The following PKP4 variants were observed in gnomAD, a reference collection of about 807,000 sequenced individuals.
PKP4 encodes the protein plakophilin-4.
Under a neutral mutation model 145.1 loss-of-function variants are expected in PKP4, and 90 were observed. The observed-to-expected ratio is 0.62, with a 90% CI of 0.52 to 0.74. The LOEUF is 0.74. PKP4 is among the 30% of genes least tolerant of loss of function. The probability of loss-of-function intolerance (pLI) is 0.00; values close to 1 mark genes in which losing one functional copy is unlikely to be tolerated. For synonymous variants in PKP4, 563 were observed against 577.2 expected (o/e 0.98, Z 0.35); for missense variants, 1,340 against 1,482.7 (o/e 0.90, Z 1.58).
In PKP4 at chr2:158,673,954, T is replaced by C. The variant is rs1431319022; in HGVS notation, c.3081T>C (p.Pro1027=). 6.2e-7 allele frequency: 1 copy of C among 1,612,842 alleles called. No homozygotes were observed. The highest frequency in any genetic ancestry group is 8.5e-7 in the Non-Finnish European group (1 of 1,178,888). Reference sequence around the variant, plus strand: ...AGCGAGACCGATTCAAATCACATCCTTCCTTGTCTACCACCAACCAACAGA... The same window carrying C: ...AGCGAGACCGATTCAAATCACATCCCTCCTTGTCTACCACCAACCAACAGA... ...TLERDRFKSH[P]SLSTTNQQMS... Residue 1027 remains proline (P), a synonymous_variant, in exon 19 of 22, where the codon CCT becomes CCC. Transcript: ENST00000389759.
At chr2:158,652,441 G>A (rs183663454) in intron 11 of PKP4, among the ~76,000 whole-genome samples, 134 of 152,238 alleles carry the variant, frequency 8.8e-4, no homozygotes, top group Non-Finnish European at 1.3e-3. Context: ...AGAAAAAGCC[G>A]CAGAAGTTTA....
intron 2 of PKP4, among the ~76,000 whole-genome samples, chr2:158,548,143 A>T (rs1056769244): frequency 6.6e-6 from 1 of 152,222 alleles, no homozygotes; most frequent in East Asian, 1.9e-4. Context: ...TTTTACTGAA[A>T]TAACATAAGG....
chr2:158,540,158 T>C (rs1036208331), intron 2 of PKP4, among the ~76,000 whole-genome samples: 8 of 152,214 alleles, frequency 5.3e-5, no homozygotes, highest in Non-Finnish European at 1.2e-4. Flanking sequence ...TCCAGTCTTA[T>C]ATGTCCTCAA....
intron 1 of PKP4, among the ~76,000 whole-genome samples, chr2:158,514,184 C>A (rs2041751098): frequency 6.6e-6 from 1 of 152,182 alleles, no homozygotes. Context: ...ATTGAACAAA[C>A]ACTTTTGAAT....
At chr2:158,564,217 G>C (rs1180755357) in intron 2 of PKP4, among the ~76,000 whole-genome samples, 1 of 152,040 alleles carries the variant, frequency 6.6e-6, no homozygotes, top group Non-Finnish European at 1.5e-5. Flanking sequence ...CTCATTCACA[G>C]TTGTGTCTGT....
chr2:158,596,562 G>GTACC (rs2049762441), intron 3 of PKP4, among the ~76,000 whole-genome samples: 1 of 151,602 alleles, frequency 6.6e-6, no homozygotes, highest in South Asian at 2.1e-4. Context: ...AGAATATTGT[G>GTACC]TACCAGGCAC....
At chr2:158,580,722 G>A (rs1413981840) in intron 3 of PKP4, among the ~76,000 whole-genome samples, 1 of 152,190 alleles carries the variant, frequency 6.6e-6, no homozygotes, top group Non-Finnish European at 1.5e-5. Flanking sequence ...TCTTCATTCA[G>A]TGATCTCTGA....
intron 1 of PKP4, among the ~76,000 whole-genome samples, chr2:158,530,748 C>A (rs2043461921): frequency 6.6e-6 from 1 of 151,948 alleles, no homozygotes; most frequent in Non-Finnish European, 1.5e-5. Flanking sequence ...AAGTGTCTCA[C>A]CCTTAGTAAC....
intron 11 of PKP4, among the ~76,000 whole-genome samples, chr2:158,650,415 G>A (rs1056757967): frequency 3.3e-5 from 5 of 152,350 alleles, no homozygotes; most frequent in Middle Eastern, 6.8e-3. Flanking sequence ...ATATGATTCT[G>A]TAAATGGATC....
In PKP4 at chr2:158,642,498, G is replaced by A; in HGVS notation, c.1708G>A (p.Gly570Arg). 1 of 1,608,868 alleles carries A rather than the reference G, an allele frequency of 6.2e-7. No individual in the cohort carries two copies. The highest frequency in any genetic ancestry group is 8.5e-7 in the Non-Finnish European group (1 of 1,175,986). The change falls in exon 11 of 22, where the codon GGG (glycine) becomes AGG (arginine). Residue 570 changes from glycine (G) to arginine (R), a missense_variant. Physicochemically the swap from Gly to Arg is moderately radical, Grantham distance 125. Transcript: ENST00000389759. ...TTTTTCATTCTAGGTGTGTAGGTTA[G>A]GGGGAATCAAGCATCTGGTTGACCT... ...NKVKMEVCRL[G>R]GIKHLVDLLD...
intron 1 of PKP4, among the ~76,000 whole-genome samples, chr2:158,496,571 G>C (rs952535661): frequency 2.0e-5 from 3 of 152,148 alleles, no homozygotes; most frequent in Admixed American, 2.0e-4. Flanking sequence ...ACCTGTGCAA[G>C]TTCAGAAGTT....
chr2:158,471,803 A>G (rs1021286489), intron 1 of PKP4, among the ~76,000 whole-genome samples: 5 of 152,242 alleles, frequency 3.3e-5, no homozygotes, highest in African/African-American at 1.2e-4. Context: ...TTCCTTTTTT[A>G]GATACCTCAT....
At chr2:158,510,860 G>A (rs556425145) in intron 1 of PKP4, among the ~76,000 whole-genome samples, 42 of 152,308 alleles carry the variant, frequency 2.8e-4, no homozygotes, top group Admixed American at 1.9e-3. Context: ...AGATGCAGAG[G>A]GACCCCTTCC....
Position 158,562,137 on chromosome 2 carries a change from T to C in PKP4, c.133-15134T>C, listed in dbSNP as rs187344854. The stretch of plus-strand genomic sequence containing the variant: ...GCCAGGAGAGGAGAAAATAGAAATA[T>C]GAATTTTAAGATATGTTTTGTTGCA... On this transcript the variant is annotated intron_variant, in intron 2 of 21. Coordinates refer to ENST00000389759, the MANE Select transcript of PKP4 (RefSeq NM_003628.6). Among the ~76,000 whole-genome samples the C allele has an allele frequency of 5.9e-5, 9 of 152,290 alleles. No individual in the cohort carries two copies. The South Asian group carries it at 8.3e-4, about 14-fold the overall frequency.
rs2057404018 is a variant in PKP4 at position 158,669,765 on chromosome 2, A to G, written c.2774A>G (p.Asn925Ser). 1.9e-6 allele frequency: 3 copies of G among 1,605,588 alleles called. No homozygotes were observed. The highest frequency in any genetic ancestry group is 1.7e-5 in the Admixed American group (1 of 59,340). Reference protein sequence around the residue: ...RDLVNRLPGGNGPSVLSDETM... With the variant: ...RDLVNRLPGGSGPSVLSDETM... Reference sequence around the variant, plus strand: ...CTGGTCAACCGGCTCCCCGGCGGCAATGGCCCCAGTGTCTTGTCTGATGAG... The same window carrying G: ...CTGGTCAACCGGCTCCCCGGCGGCAGTGGCCCCAGTGTCTTGTCTGATGAG... The change falls in exon 17 of 22, where the codon AAT becomes AGT. Residue 925 changes from asparagine (N) to serine (S), a missense_variant. Physicochemically the swap from Asn to Ser is conservative, Grantham distance 46 (BLOSUM62 1). Coordinates refer to ENST00000389759, the MANE Select transcript of PKP4 (RefSeq NM_003628.6).
intron 21 of PKP4, among the ~76,000 whole-genome samples, chr2:158,679,751 G>A (rs1165158014): frequency 2.6e-5 from 4 of 152,194 alleles, no homozygotes; most frequent in Admixed American, 2.0e-4. Context: ...GATGGACTTA[G>A]CCCTGGCTTG....
At chr2:158,672,785 G>A (rs1480811534) in intron 17 of PKP4, among the ~76,000 whole-genome samples, 2 of 152,202 alleles carry the variant, frequency 1.3e-5, no homozygotes, top group East Asian at 1.9e-4. Context: ...GGCTGAGGAA[G>A]TAGCTCACCA....
intron 1 of PKP4, among the ~76,000 whole-genome samples, chr2:158,523,669 C>T (rs1375830658): frequency 5.6e-4 from 75 of 134,082 alleles, no homozygotes; most frequent in Non-Finnish European, 8.4e-4. Context: ...AGGTTTCAGA[C>T]GATCAAATTA....
chr2:158,675,054 A>G (rs184154536), intron 19 of PKP4, among the ~76,000 whole-genome samples: 211 of 152,336 alleles, frequency 1.4e-3, no homozygotes, highest in Non-Finnish European at 2.4e-3. Context: ...GGTTTTTAAC[A>G]TCCTTGCTAA....
Sources: allele counts gnomAD v4.1 joint callset (sites outside exome capture counted in the v4.1 genomes callset), GRCh38; gene constraint gnomAD v4.1.1; transcripts MANE v1.5; gene names NCBI Gene and HGNC (gene_info 2026-07-23, HGNC 2026-07-21).